The following ASIC2 variants were observed in gnomAD, a reference collection of about 807,000 sequenced individuals.
ASIC2 encodes the protein acid sensing ion channel subunit 2.
A neutral mutation model predicts 57.3 loss-of-function variants in ASIC2; 25 were observed. The ratio of observed to expected loss-of-function variants is 0.44; its 90% CI spans 0.32 to 0.61. ASIC2 has a LOEUF of 0.61. Ranked by LOEUF, ASIC2 falls within the 20% of genes least tolerant of loss-of-function variation. The pLI, the probability that ASIC2 is intolerant of heterozygous loss-of-function variation, is 0.06. For synonymous variants in ASIC2, 319 were observed against 307.5 expected (o/e 1.04, Z -0.39); for missense variants, 641 against 738.1 (o/e 0.87, Z 1.52).
In ASIC2 at chr17:33,803,497, C is replaced by T. The variant is rs192284747; in HGVS notation, c.555+352481G>A. On this transcript the variant is annotated intron_variant, in intron 1 of 9. Transcript: ENST00000359872. ...GCATGGCAGTTCACTATGGTTGATG[C>T]GGTGGATACCTAATGTTTACTCCTA... is the stretch of plus-strand genomic sequence containing the variant. Among the ~76,000 whole-genome samples, 7 of 150,996 alleles carry T rather than the reference C, an allele frequency of 4.6e-5. No individual in the cohort carries two copies. The East Asian group carries it at 9.8e-4, about 21-fold the overall frequency.
chr17:33,100,179 A>C (rs1239179848), intron 2 of ASIC2: 1 of 152,240 alleles, frequency 6.6e-6, no homozygotes, highest in Non-Finnish European at 1.5e-5. Context: ...ACTGCTGGTC[A>C]GAGGATTACA....
chr17:33,312,648 G>A (rs927981505), intron 1 of ASIC2, among the ~76,000 whole-genome samples: 1 of 152,184 alleles, frequency 6.6e-6, no homozygotes, highest in Non-Finnish European at 1.5e-5. Flanking sequence ...GAAAGAGTCA[G>A]TGTGGGCCAG....
chr17:33,749,700 C>G (rs1396484273), intron 1 of ASIC2, among the ~76,000 whole-genome samples: 1 of 152,100 alleles, frequency 6.6e-6, no homozygotes, highest in East Asian at 1.9e-4. Context: ...ACAGCTTGCC[C>G]CGGCCTGACA....
intron 1 of ASIC2, among the ~76,000 whole-genome samples, chr17:34,089,642 T>C (rs1268198829): frequency 6.6e-6 from 1 of 152,212 alleles, no homozygotes; most frequent in Non-Finnish European, 1.5e-5. Flanking sequence ...ACCTCTCTGC[T>C]TGGCCCCAGG....
At chr17:33,300,538 C>A (rs1224128166) in intron 1 of ASIC2, among the ~76,000 whole-genome samples, 1 of 152,204 alleles carries the variant, frequency 6.6e-6, no homozygotes, top group African/African-American at 2.4e-5. Flanking sequence ...TGTGGATAAT[C>A]TTAAACAGCA....
chr17:34,000,053 GTT>G (rs201497398), intron 1 of ASIC2, among the ~76,000 whole-genome samples: 4 of 144,954 alleles, frequency 2.8e-5, no homozygotes, highest in African/African-American at 1.0e-4. Flanking sequence ...TGTTATTGTT[GTT>G]TTTTTTTTTT....
chr17:33,151,769 C>T (rs1476655741), intron 1 of ASIC2, among the ~76,000 whole-genome samples: 2 of 152,154 alleles, frequency 1.3e-5, no homozygotes, highest in Non-Finnish European at 2.9e-5. Context: ...AAAGGCCTTG[C>T]CAGATGCAGG....
chr17:33,102,761 AATTT>A (rs1333065386), intron 2 of ASIC2, among the ~76,000 whole-genome samples: 5 of 151,846 alleles, frequency 3.3e-5, no homozygotes, highest in African/African-American at 4.8e-5. Context: ...TCACATTTTA[AATTT>A]ATTTGTTTGT....
rs2091857339 is a variant in ASIC2 at position 33,025,916 on chromosome 17, G to A, written c.1195+10C>T. On this transcript the variant is annotated intron_variant, in intron 5 of 9. Coordinates refer to ENST00000225823, the MANE Select transcript of ASIC2 (RefSeq NM_183377.2). ...GCCCCCATGATTCCATCTGTCCCCT[G>A]AGTACTGACCTAGGGCAGGCTCTGC... 1 of 1,608,354 alleles carries A rather than the reference G, an allele frequency of 6.2e-7. No individual in the cohort carries two copies. The highest frequency in any genetic ancestry group is 2.3e-5 in the East Asian group (1 of 44,424).
At chr17:33,286,769 C>T (rs1318942973) in intron 1 of ASIC2, among the ~76,000 whole-genome samples, 1 of 152,206 alleles carries the variant, frequency 6.6e-6, no homozygotes, top group Non-Finnish European at 1.5e-5. Flanking sequence ...CCTCTGTACG[C>T]TCCTGGTATC....
chr17:33,878,146 C>T (rs868247733), intron 1 of ASIC2, among the ~76,000 whole-genome samples: 3 of 152,124 alleles, frequency 2.0e-5, no homozygotes, highest in African/African-American at 4.8e-5. Context: ...GATAAAACCA[C>T]AAAGATGGGG....
intron 1 of ASIC2, among the ~76,000 whole-genome samples, chr17:33,232,177 A>G (rs777555245): frequency 6.6e-6 from 1 of 152,118 alleles, no homozygotes; most frequent in East Asian, 1.9e-4. Flanking sequence ...TCGTGATAGG[A>G]TTAGTTTCTT....
intron 1 of ASIC2, among the ~76,000 whole-genome samples, chr17:33,366,426 G>A (rs934873746): frequency 1.3e-5 from 2 of 152,070 alleles, no homozygotes; most frequent in Admixed American, 6.5e-5. Context: ...CCCATGCCTT[G>A]CCTTGGTACC....
intron 1 of ASIC2, among the ~76,000 whole-genome samples, chr17:33,471,728 T>C (rs988119971): frequency 6.6e-6 from 1 of 152,198 alleles, no homozygotes; most frequent in African/African-American, 2.4e-5. Flanking sequence ...AAATATGTGT[T>C]AATTAAGAGG....
chr17:33,105,885 G>T (rs56238553), intron 2 of ASIC2, among the ~76,000 whole-genome samples: 2,508 of 152,314 alleles, frequency 0.016, 64 homozygotes, highest in African/African-American at 0.057. Flanking sequence ...CCACCCTAGA[G>T]ATCTGTGGAA....
At chr17:33,266,529 T>G (rs558167062) in intron 1 of ASIC2, among the ~76,000 whole-genome samples, 3 of 147,084 alleles carry the variant, frequency 2.0e-5, no homozygotes, top group African/African-American at 7.5e-5. Context: ...CTTCAGGAGC[T>G]ACCTTCCCAT....
chr17:33,895,644 G>C (rs1353915781), intron 1 of ASIC2, among the ~76,000 whole-genome samples: 1 of 152,170 alleles, frequency 6.6e-6, no homozygotes, highest in Non-Finnish European at 1.5e-5. Flanking sequence ...CAGACAAATA[G>C]CTTTTTAAAA....
chr17:33,753,991 C>T (rs1910511208), intron 1 of ASIC2, among the ~76,000 whole-genome samples: 1 of 152,102 alleles, frequency 6.6e-6, no homozygotes, highest in African/African-American at 2.4e-5. Context: ...TACATAGGAA[C>T]ACTCTATACT....
chr17:33,132,754 T>G (rs1448946542), intron 1 of ASIC2, among the ~76,000 whole-genome samples: 2 of 152,216 alleles, frequency 1.3e-5, no homozygotes, highest in South Asian at 4.1e-4. Flanking sequence ...GTCTCATGTC[T>G]GGCCCTTGGA....
Sources: gnomAD v4.1 joint callset for allele counts (sites outside exome capture counted in the v4.1 genomes callset) on GRCh38, gnomAD v4.1.1 for gene constraint, MANE v1.5 for transcripts, NCBI Gene and HGNC (gene_info 2026-07-23, HGNC 2026-07-21) for gene names.